The following RBFOX1 variants were observed in gnomAD, a reference collection of about 807,000 sequenced individuals.
RBFOX1 encodes the protein RNA binding fox-1 homolog 1.
In RBFOX1, 8 loss-of-function variants were observed where a neutral mutation model predicts 57.7. The ratio of observed to expected loss-of-function variants is 0.14; its 90% CI spans 0.08 to 0.25. RBFOX1 has a LOEUF of 0.25. Ranked by LOEUF, RBFOX1 falls within the 10% of genes least tolerant of loss-of-function variation. RBFOX1 has a pLI of 1.00. For synonymous variants in RBFOX1, 326 were observed against 222.4 expected (o/e 1.47, Z -4.15); for missense variants, 611 against 548.5 (o/e 1.11, Z -1.14).
intron 3 of RBFOX1, among the ~76,000 whole-genome samples, chr16:5,717,736 A>G (rs1033477419): frequency 6.6e-6 from 1 of 152,224 alleles, no homozygotes; most frequent in Non-Finnish European, 1.5e-5. Flanking sequence ...GGGCTTCGGT[A>G]ACTACCAATA....
chr16:5,888,450 G>C (rs2057954449), intron 4 of RBFOX1, among the ~76,000 whole-genome samples: 1 of 152,088 alleles, frequency 6.6e-6, no homozygotes, highest in Admixed American at 6.6e-5. Context: ...ACAGTGTCCT[G>C]CTGTGTTCCA....
At chr16:5,283,473 T>C (rs2063320883) in intron 1 of RBFOX1, among the ~76,000 whole-genome samples, 2 of 152,080 alleles carry the variant, frequency 1.3e-5, no homozygotes, top group Admixed American at 1.3e-4. Context: ...TTTCACCTCC[T>C]GGTTTTATTC....
chr16:7,237,498 C>T (rs2093828145), intron 4 of RBFOX1, among the ~76,000 whole-genome samples: 1 of 152,230 alleles, frequency 6.6e-6, no homozygotes, highest in Admixed American at 6.5e-5. Context: ...CTACATATCT[C>T]ATTAGCCTGA....
At position 5,472,970 on chromosome 16, in the gene RBFOX1, A is replaced by G. The variant is rs2069189875; in HGVS notation, c.258+5716A>G. 3.3e-5 allele frequency among the ~76,000 whole-genome samples: 5 copies of G among 152,128 alleles called. No individual in the cohort carries two copies. In the South Asian group the frequency reaches 6.2e-4, roughly 19 times the overall value. On this transcript the variant is annotated intron_variant, in intron 2 of 2. Coordinates refer to the RBFOX1 transcript ENST00000585867. ...CCCGTTGTTATCAGACTATGTCCAG[A>G]CAGTCTGACACTGACACCAGCTGGC... is the stretch of plus-strand genomic sequence containing the variant.
intron 14 of RBFOX1, among the ~76,000 whole-genome samples, chr16:7,705,548 G>C (rs1424889368): frequency 6.6e-6 from 1 of 152,164 alleles, no homozygotes; most frequent in Admixed American, 6.5e-5. Context: ...CTGGAGCACA[G>C]TAACCAAGGG....
intron 3 of RBFOX1, among the ~76,000 whole-genome samples, chr16:6,975,070 A>G (rs895851208): frequency 6.6e-6 from 1 of 152,192 alleles, no homozygotes; most frequent in Admixed American, 6.5e-5. Flanking sequence ...ATATGGCAGA[A>G]TAAAGAGGAC....
intron 1 of RBFOX1, among the ~76,000 whole-genome samples, chr16:6,023,809 C>T (rs905807443): frequency 8.5e-5 from 13 of 152,160 alleles, no homozygotes; most frequent in African/African-American, 2.7e-4. Context: ...CCTCAAACAC[C>T]GAGGCGACGT....
chr16:7,136,887 G>T (rs574336828), intron 4 of RBFOX1, among the ~76,000 whole-genome samples: 4 of 152,306 alleles, frequency 2.6e-5, no homozygotes, highest in African/African-American at 7.2e-5. Context: ...TCTACTGCAT[G>T]CCTGGGCAGG....
intron 3 of RBFOX1, among the ~76,000 whole-genome samples, chr16:5,697,353 A>G (rs1475320368): frequency 1.3e-5 from 2 of 151,204 alleles, no homozygotes; most frequent in South Asian, 4.1e-4. Flanking sequence ...GATACATAAA[A>G]CTCATATAAT....
intron 3 of RBFOX1, among the ~76,000 whole-genome samples, chr16:6,951,540 C>G (rs904551175): frequency 6.6e-6 from 1 of 152,034 alleles, no homozygotes; most frequent in Non-Finnish European, 1.5e-5. Flanking sequence ...AGAGTAGGAG[C>G]AGGAATATTG....
At chr16:5,673,082 A>G (rs913504225) in intron 3 of RBFOX1, among the ~76,000 whole-genome samples, 1 of 152,146 alleles carries the variant, frequency 6.6e-6, no homozygotes, top group African/African-American at 2.4e-5. Flanking sequence ...AAGTATGTCT[A>G]GCGGCATCTC....
At chr16:5,557,119 G>T (rs1404387767) in intron 2 of RBFOX1, among the ~76,000 whole-genome samples, 1 of 151,900 alleles carries the variant, frequency 6.6e-6, no homozygotes, top group East Asian at 1.9e-4. Flanking sequence ...AATTAGCTGG[G>T]CGTGGTGGCA....
intron 2 of RBFOX1, among the ~76,000 whole-genome samples, chr16:6,368,965 A>G (rs971263691): frequency 6.6e-6 from 1 of 152,252 alleles, no homozygotes; most frequent in Non-Finnish European, 1.5e-5. Flanking sequence ...GTTGGAAAAA[A>G]GGAACAATAG....
intron 3 of RBFOX1, among the ~76,000 whole-genome samples, chr16:6,866,070 G>C (rs146663000): frequency 6.6e-6 from 1 of 152,042 alleles, no homozygotes; most frequent in Non-Finnish European, 1.5e-5. Context: ...GATTGAAATA[G>C]AAGCCAAAAG....
chr16:6,708,006 G>T (rs1004616770), intron 3 of RBFOX1, among the ~76,000 whole-genome samples: 4 of 152,092 alleles, frequency 2.6e-5, no homozygotes, highest in African/African-American at 9.7e-5. Context: ...GCTGTGGAGG[G>T]TTTCAAAACC....
At chr16:6,557,052 T>TACATATATAC (rs1567672307) in intron 2 of RBFOX1, among the ~76,000 whole-genome samples, 1 of 146,916 alleles carries the variant, frequency 6.8e-6, no homozygotes, top group African/African-American at 2.5e-5. Context: ...TATACATATA[T>TACATATATAC]ATACATATAT....
chr16:6,449,954 G>C (rs924270053), intron 2 of RBFOX1, among the ~76,000 whole-genome samples: 2 of 152,196 alleles, frequency 1.3e-5, no homozygotes, highest in Admixed American at 1.3e-4. Context: ...GCCAGGTCAG[G>C]AGAGAGCTGT....
chr16:7,476,834 G>T (rs1433066054), intron 4 of RBFOX1, among the ~76,000 whole-genome samples: 3 of 152,188 alleles, frequency 2.0e-5, no homozygotes, highest in Non-Finnish European at 2.9e-5. Flanking sequence ...AAATTGCATT[G>T]AATGGGCTAA....
At chr16:5,574,226 G>A (rs189711837) in intron 2 of RBFOX1, among the ~76,000 whole-genome samples, 1 of 152,278 alleles carries the variant, frequency 6.6e-6, no homozygotes, top group East Asian at 1.9e-4. Flanking sequence ...GGCTCAGAAA[G>A]TGCCGTGATT....
Sources: gnomAD v4.1 joint callset for allele counts (sites outside exome capture counted in the v4.1 genomes callset) on GRCh38, gnomAD v4.1.1 for gene constraint, MANE v1.5 for transcripts, NCBI Gene and HGNC (gene_info 2026-07-23, HGNC 2026-07-21) for gene names.